KCND3: variants seen among roughly 807,000 people sequenced by gnomAD.
The protein encoded by KCND3 is potassium voltage-gated channel subfamily D member 3.
A neutral mutation model predicts 51.1 loss-of-function variants in KCND3; 9 were observed. The ratio of observed to expected loss-of-function variants is 0.18; its 90% CI spans 0.11 to 0.31. KCND3 has a LOEUF of 0.31. Among genes scored for constraint, KCND3 ranks in the 10% least tolerant of loss-of-function variants. The pLI, the probability that KCND3 is intolerant of heterozygous loss-of-function variation, is 1.00. For missense variants in KCND3, 526 were observed against 903.8 expected, an observed-to-expected ratio of 0.58 and a Z score of 5.36; for synonymous variants, 349 against 368.0, an observed-to-expected ratio of 0.95 and a Z score of 0.59.
intron 2 of KCND3, among the ~76,000 whole-genome samples, chr1:111,890,830 GAA>G (rs1669788983): frequency 6.6e-6 from 1 of 152,190 alleles, no homozygotes; most frequent in Non-Finnish European, 1.5e-5. Flanking sequence ...ATGGAGAAGA[GAA>G]TAACCAACTG....
At chr1:111,781,552 C>G (rs374970462) in intron 3 of KCND3, among the ~76,000 whole-genome samples, 1 of 152,152 alleles carries the variant, frequency 6.6e-6, no homozygotes, top group Non-Finnish European at 1.5e-5. Context: ...GACGGAGTCT[C>G]GCTGTCACCC....
chr1:111,872,485 A>G lies in KCND3; in HGVS notation c.1107-85379T>C, dbSNP rs936965991. Among the ~76,000 whole-genome samples, 25 of 152,246 alleles carry G rather than the reference A, an allele frequency of 1.6e-4. 1 individual carries two copies. Among genetic ancestry groups the G allele is most frequent in the Non-Finnish European group, 7.3e-5 (5 of 68,044 alleles). On this transcript the variant is annotated intron_variant, in intron 2 of 7. Transcript: ENST00000302127. ...TCTATGGAACAATGTTCTACAAGGCACACTTTGGGAAATGCTGGTATAGAA... is the reference window on the plus strand; with the variant it reads ...TCTATGGAACAATGTTCTACAAGGCGCACTTTGGGAAATGCTGGTATAGAA...
At chr1:111,960,338 C>A (rs1557748271) in intron 2 of KCND3, among the ~76,000 whole-genome samples, 3 of 152,286 alleles carry the variant, frequency 2.0e-5, no homozygotes, top group East Asian at 3.9e-4. Context: ...CAGTAAATAT[C>A]AAAAAGCCAA....
chr1:111,870,416 T>G (rs1162428682), intron 2 of KCND3, among the ~76,000 whole-genome samples: 1 of 152,196 alleles, frequency 6.6e-6, no homozygotes, highest in African/African-American at 2.4e-5. Flanking sequence ...AGACGGAGAC[T>G]TAGCTTGAAC....
chr1:111,891,462 G>T (rs1254677810), intron 2 of KCND3, among the ~76,000 whole-genome samples: 1 of 152,204 alleles, frequency 6.6e-6, no homozygotes, highest in African/African-American at 2.4e-5. Context: ...TGCTGGAGTG[G>T]TGTCATGCAA....
chr1:111,892,730 G>T (rs1029313853), intron 2 of KCND3, among the ~76,000 whole-genome samples: 1 of 152,222 alleles, frequency 6.6e-6, no homozygotes, highest in Non-Finnish European at 1.5e-5. Flanking sequence ...ATCAGAAAAG[G>T]TCTCTGACAG....
intron 2 of KCND3, among the ~76,000 whole-genome samples, chr1:111,854,740 T>C (rs966139960): frequency 6.6e-6 from 1 of 152,206 alleles, no homozygotes; most frequent in African/African-American, 2.4e-5. Context: ...AGTCTCAGGG[T>C]GGATGTCTCC....
Position 111,777,270 on chromosome 1 carries a change from G to C in KCND3, c.1522C>G (p.His508Asp). 6.2e-7 allele frequency: 1 copy of C among 1,614,186 alleles called. No homozygotes were observed. The highest frequency in any genetic ancestry group is 8.5e-7 in the Non-Finnish European group (1 of 1,180,040). Residue 508 changes from histidine (H) to aspartate (D), a missense_variant, in exon 7 of 8, where the codon CAC (histidine) becomes GAC (aspartate). His to Asp is a moderately conservative substitution (Grantham distance 81). Transcript: ENST00000302127. ...AACATCTGCTCATCAATAAACTCGT[G>C]GTTCTGCGGGAGGCAGAAGGAGAAG... ...LSVRTSTIKN[H>D]EFIDEQMFEQ...
chr1:111,832,930 T>C (rs1398314726), intron 2 of KCND3, among the ~76,000 whole-genome samples: 1 of 152,152 alleles, frequency 6.6e-6, no homozygotes, highest in African/African-American at 2.4e-5. Flanking sequence ...ACAGACATCA[T>C]ACTGGGTCCA....
intron 2 of KCND3, among the ~76,000 whole-genome samples, chr1:111,835,474 G>A (rs182043245): frequency 1.3e-5 from 2 of 152,292 alleles, no homozygotes; most frequent in East Asian, 1.9e-4. Context: ...TAAGATAGGA[G>A]GTTGGCACAA....
chr1:111,893,493 G>A (rs1443392576), intron 2 of KCND3, among the ~76,000 whole-genome samples: 3 of 152,174 alleles, frequency 2.0e-5, no homozygotes, highest in Non-Finnish European at 4.4e-5. Context: ...AAGTGTGGCT[G>A]GAGAAGGTGG....
chr1:111,783,557 T>C (rs1195827680), intron 3 of KCND3, among the ~76,000 whole-genome samples: 1 of 152,190 alleles, frequency 6.6e-6, no homozygotes, highest in Non-Finnish European at 1.5e-5. Context: ...GTCTGGCTGA[T>C]GGGTGCCTTT....
intron 2 of KCND3, among the ~76,000 whole-genome samples, chr1:111,972,634 A>T (rs531183673): frequency 6.6e-6 from 1 of 152,370 alleles, no homozygotes; most frequent in South Asian, 2.1e-4. Context: ...CCAATCGTTC[A>T]TTCATCAACA....
At chr1:111,919,519 T>C (rs930684081) in intron 2 of KCND3, among the ~76,000 whole-genome samples, 2 of 152,064 alleles carry the variant, frequency 1.3e-5, no homozygotes, top group African/African-American at 4.8e-5. Context: ...GATAAAGCCC[T>C]GAGGGCAAGG....
At position 111,891,655 on chromosome 1, in the gene KCND3, C is replaced by T. The variant is rs1669826229; in HGVS notation, c.1106+89966G>A. Among the ~76,000 whole-genome samples the T allele has an allele frequency of 2.6e-5, 4 of 152,222 alleles. No individual in the cohort carries two copies. The South Asian group carries it at 8.3e-4, about 32-fold the overall frequency. On this transcript the variant is annotated intron_variant, in intron 2 of 7. Transcript: ENST00000302127. ...CTCCATCACATGGGTTACCAGCAAA[C>T]TTAATCATGTCTTGTGTTGTCTGTC... is the stretch of plus-strand genomic sequence containing the variant.
rs572958111 is a variant in KCND3, at chr1:111,985,015, C to A, written c.-72-2217G>T. Among the ~76,000 whole-genome samples the A allele has an allele frequency of 3.9e-5, 6 of 152,290 alleles. No individual in the cohort carries two copies. In the East Asian group the frequency reaches 1.2e-3, roughly 29 times the overall value. On this transcript the variant is annotated intron_variant, in intron 1 of 7. Transcript: ENST00000302127. ...TTAATAGTAATGACTAACAATTGAG[C>A]ACTTACGCTATGCAAGGCATTACAC...
intron 2 of KCND3, among the ~76,000 whole-genome samples, chr1:111,794,189 G>A (rs998762761): frequency 5.9e-5 from 9 of 152,208 alleles, no homozygotes; most frequent in African/African-American, 1.9e-4. Flanking sequence ...AATATGGAAG[G>A]CTAATTAATT....
chr1:111,878,275 G>A lies in KCND3; in HGVS notation c.1107-91169C>T, dbSNP rs117917251. ...TCTTTGCCGAATCCTATTTCCCAGA[G>A]TGTGAAATGCGCTTCCCTCCTGCCA... On this transcript the variant is annotated intron_variant, in intron 2 of 7. Coordinates refer to ENST00000302127, the MANE Select transcript of KCND3 (RefSeq NM_001378969.1). 6.2e-4 allele frequency among the ~76,000 whole-genome samples: 94 copies of A among 152,362 alleles called. 2 individuals carry two copies. In the East Asian group the frequency reaches 0.015, roughly 25 times the overall value.
intron 2 of KCND3, among the ~76,000 whole-genome samples, chr1:111,885,355 A>G (rs960208075): frequency 6.6e-6 from 1 of 152,218 alleles, no homozygotes; most frequent in Non-Finnish European, 1.5e-5. Flanking sequence ...CATGCTTATC[A>G]TAGGTACAAA....
Sources: allele counts gnomAD v4.1 joint callset (sites outside exome capture counted in the v4.1 genomes callset), GRCh38; gene constraint gnomAD v4.1.1; transcripts MANE v1.5; gene names NCBI Gene and HGNC (gene_info 2026-07-23, HGNC 2026-07-21).